Variants in GALNTL6 observed in about 807,000 individuals in gnomAD.
GALNTL6 encodes polypeptide N-acetylgalactosaminyltransferase-like 6.
In GALNTL6, 46 loss-of-function variants were observed where a neutral mutation model predicts 73.7. The ratio of observed to expected loss-of-function variants is 0.62; its 90% CI spans 0.49 to 0.80. GALNTL6 has a LOEUF of 0.80. Among genes scored for constraint, GALNTL6 ranks in the 30% least tolerant of loss-of-function variants. The pLI is 0.00. For missense variants in GALNTL6, 604 were observed against 755.0 expected (o/e 0.80, Z 2.34); for synonymous variants, 259 against 263.7 (o/e 0.98, Z 0.17).
At chr4:172,530,334 T>C (rs1735127048) in intron 5 of GALNTL6, among the ~76,000 whole-genome samples, 1 of 152,208 alleles carries the variant, frequency 6.6e-6, no homozygotes. Flanking sequence ...AAATATTCTA[T>C]ATAGAGACTA....
At chr4:172,616,449 T>C (rs946441961) in intron 5 of GALNTL6, among the ~76,000 whole-genome samples, 1 of 152,000 alleles carries the variant, frequency 6.6e-6, no homozygotes, top group Admixed American at 6.6e-5. Context: ...CATGATACTT[T>C]GGTATGAGAA....
At chr4:172,222,257 A>G (rs560646869) in intron 2 of GALNTL6, among the ~76,000 whole-genome samples, 1 of 152,032 alleles carries the variant, frequency 6.6e-6, no homozygotes, top group Admixed American at 6.6e-5. Flanking sequence ...TGAAAATCTC[A>G]TTAAAAAGTA....
intron 11 of GALNTL6, among the ~76,000 whole-genome samples, chr4:173,020,651 T>C (rs1302546716): frequency 6.6e-6 from 1 of 152,240 alleles, no homozygotes; most frequent in African/African-American, 2.4e-5. Flanking sequence ...CATTAGGTTT[T>C]TCAAGGTGCT....
In GALNTL6 at chr4:171,855,125, A is replaced by G. The variant is rs541236644; in HGVS notation, c.138+40407A>G. ...ATTAGCCAGTTTTGATGTTATTATT[A>G]ACTAATGTGCATAGATTTCATTAGA... On this transcript the variant is annotated intron_variant, in intron 2 of 12. Coordinates refer to ENST00000506823, the MANE Select transcript of GALNTL6 (RefSeq NM_001034845.3). 2.0e-5 allele frequency among the ~76,000 whole-genome samples: 3 copies of G among 152,252 alleles called. No individual in the cohort carries two copies. In the East Asian group the frequency reaches 5.8e-4, roughly 29 times the overall value.
chr4:172,684,337 A>C lies in GALNTL6; in HGVS notation c.554-125024A>C, dbSNP rs141830205. 1.6e-3 allele frequency among the ~76,000 whole-genome samples: 243 copies of C among 152,294 alleles called. 2 individuals carry two copies. In the South Asian group the frequency reaches 0.022, roughly 14 times the overall value. On this transcript the variant is annotated intron_variant, in intron 5 of 12. Coordinates refer to ENST00000506823, the MANE Select transcript of GALNTL6 (RefSeq NM_001034845.3). Reference sequence around the variant, plus strand: ...AGTTATATGTTCATTTAGGCAATTAACATTTATTTGGCAACTACCCTATAT... The same window carrying C: ...AGTTATATGTTCATTTAGGCAATTACCATTTATTTGGCAACTACCCTATAT...
intron 10 of GALNTL6, among the ~76,000 whole-genome samples, chr4:172,973,558 C>A (rs968402734): frequency 5.9e-5 from 9 of 151,990 alleles, no homozygotes; most frequent in South Asian, 4.1e-4. Flanking sequence ...TAAAATGAAA[C>A]CTGTTTAAAT....
At chr4:172,582,325 C>T (rs1560820227) in intron 5 of GALNTL6, among the ~76,000 whole-genome samples, 2 of 152,172 alleles carry the variant, frequency 1.3e-5, no homozygotes, top group African/African-American at 4.8e-5. Flanking sequence ...GCCTTAGTTT[C>T]TCCATCTGTA....
intron 2 of GALNTL6, among the ~76,000 whole-genome samples, chr4:171,952,520 T>C (rs541424900): frequency 3.9e-5 from 6 of 152,210 alleles, no homozygotes; most frequent in African/African-American, 1.4e-4. Context: ...AAAATTTCAA[T>C]GACTTATTAT....
At chr4:172,098,984 C>A (rs1732435521) in intron 2 of GALNTL6, among the ~76,000 whole-genome samples, 1 of 152,080 alleles carries the variant, frequency 6.6e-6, no homozygotes, top group Non-Finnish European at 1.5e-5. Flanking sequence ...AACAAAATCA[C>A]TGACAGTGTG....
rs566201949 is a variant in GALNTL6, at chr4:171,888,047, C to T, written c.138+73329C>T. Among the ~76,000 whole-genome samples, 50 of 152,096 alleles carry T rather than the reference C, an allele frequency of 3.3e-4. 2 individuals carry two copies. In the South Asian group the frequency reaches 0.01, roughly 31 times the overall value. On this transcript the variant is annotated intron_variant, in intron 2 of 12. Coordinates refer to ENST00000506823, the MANE Select transcript of GALNTL6 (RefSeq NM_001034845.3). ...ATTCTTTTGCTTTTTGTTTTGCTAA[C>T]TAGACTATGTTCTGAATTAATCAAA...
intron 5 of GALNTL6, among the ~76,000 whole-genome samples, chr4:172,719,722 C>T (rs7686841): frequency 0.15 from 22,064 of 151,906 alleles, 1,865 homozygotes; most frequent in East Asian, 0.25. Context: ...AGAGAGGGTT[C>T]TTGGGTCATG....
intron 2 of GALNTL6, among the ~76,000 whole-genome samples, chr4:171,829,204 G>A (rs1017570367): frequency 6.6e-6 from 1 of 151,916 alleles, no homozygotes; most frequent in African/African-American, 2.4e-5. Context: ...ATTCATCCAC[G>A]TCTCGTTACA....
At chr4:172,938,024 A>G (rs1389936022) in intron 9 of GALNTL6, among the ~76,000 whole-genome samples, 2 of 152,192 alleles carry the variant, frequency 1.3e-5, no homozygotes, top group Non-Finnish European at 2.9e-5. Context: ...GACTTTATGC[A>G]TTTACCTAGG....
intron 2 of GALNTL6, among the ~76,000 whole-genome samples, chr4:172,164,391 G>T (rs914644408): frequency 7.9e-5 from 12 of 151,934 alleles, no homozygotes; most frequent in African/African-American, 2.9e-4. Flanking sequence ...AGAAATAACT[G>T]TAAATTTTCA....
At chr4:172,648,321 G>T (rs1430942776) in intron 5 of GALNTL6, among the ~76,000 whole-genome samples, 1 of 152,120 alleles carries the variant, frequency 6.6e-6, no homozygotes, top group Non-Finnish European at 1.5e-5. Context: ...ATTAAGAAGG[G>T]TTTAAAGCTG....
chr4:172,415,457 C>A (rs1055510011), intron 5 of GALNTL6, among the ~76,000 whole-genome samples: 1 of 152,160 alleles, frequency 6.6e-6, no homozygotes, highest in Non-Finnish European at 1.5e-5. Flanking sequence ...CCTTGTGATG[C>A]CATGCAGCTC....
At chr4:171,916,936 C>G (rs568502091) in intron 2 of GALNTL6, among the ~76,000 whole-genome samples, 1 of 152,012 alleles carries the variant, frequency 6.6e-6, no homozygotes, top group South Asian at 2.1e-4. Context: ...TCTGCACCAC[C>G]CACGCAGGGA....
At chr4:172,031,135 C>T (rs925470269) in intron 2 of GALNTL6, among the ~76,000 whole-genome samples, 1 of 152,154 alleles carries the variant, frequency 6.6e-6, no homozygotes, top group African/African-American at 2.4e-5. Context: ...ATCATGATGA[C>T]AGCCGTTTCT....
intron 5 of GALNTL6, among the ~76,000 whole-genome samples, chr4:172,522,981 C>T (rs1323129255): frequency 6.6e-6 from 1 of 152,084 alleles, no homozygotes; most frequent in Non-Finnish European, 1.5e-5. Flanking sequence ...TCCTGTCTTC[C>T]ATCGTAAGGT....
Sources: gnomAD v4.1 joint callset for allele counts (sites outside exome capture counted in the v4.1 genomes callset) on GRCh38, gnomAD v4.1.1 for gene constraint, MANE v1.5 for transcripts, NCBI Gene and HGNC (gene_info 2026-07-23, HGNC 2026-07-21) for gene names.